RNF41: variants seen among roughly 807,000 people sequenced by gnomAD.
RNF41 encodes E3 ubiquitin-protein ligase NRDP1.
Under a neutral mutation model 33.0 loss-of-function variants are expected in RNF41, and 4 were observed. The ratio of observed to expected loss-of-function variants is 0.12; its 90% CI spans 0.06 to 0.28. RNF41 has a LOEUF of 0.28. Ranked by LOEUF, RNF41 falls within the 10% of genes least tolerant of loss-of-function variation. The pLI, the probability that RNF41 is intolerant of heterozygous loss-of-function variation, is 1.00. For synonymous variants in RNF41, 164 were observed against 153.2 expected (o/e 1.07, Z -0.52); for missense variants, 228 against 432.6 (o/e 0.53, Z 4.19).
intron 3 of RNF41, among the ~76,000 whole-genome samples, chr12:56,211,075 C>T (rs1259921315): frequency 6.6e-6 from 1 of 152,144 alleles, no homozygotes; most frequent in Non-Finnish European, 1.5e-5. Context: ...ATCACAGCTA[C>T]TCAGGAGGCT....
chr12:56,219,447 G>A (rs188769880), intron 1 of RNF41, among the ~76,000 whole-genome samples: 311 of 150,946 alleles, frequency 2.1e-3, no homozygotes, highest in African/African-American at 7.1e-3. Context: ...TGCCTGCCTC[G>A]GCCTCCCAAA....
intron 2 of RNF41, among the ~76,000 whole-genome samples, chr12:56,215,717 CAAAAAAAAA>C (rs58103466): frequency 2.7e-5 from 2 of 74,526 alleles, no homozygotes. Context: ...GACTCTGTCT[CAAAAAAAAA>C]AAAAAAAAAA....
At position 56,205,583 on chromosome 12, in the gene RNF41, T is replaced by C. The variant is rs1592347009; in HGVS notation, c.*864A>G. 1 of 138,792 alleles carries C rather than the reference T, an allele frequency of 7.2e-6. No homozygotes were observed. The highest frequency in any genetic ancestry group is 1.5e-5 in the Non-Finnish European group (1 of 65,638). The allele number at this position is 138,792 out of a possible 1,614,324, so 8.6% of individuals were successfully genotyped here. A position where few individuals can be genotyped will look rare whatever the true frequency, so the allele number is the denominator to read the frequency against. ...TTAAAAAAAAGAGGGGGGGGGGCAGTAGGTGGAGTTTGTGAAATATAAACA... is the reference window on the plus strand; with the variant it reads ...TTAAAAAAAAGAGGGGGGGGGGCAGCAGGTGGAGTTTGTGAAATATAAACA... On this transcript the variant is annotated 3_prime_UTR_variant, in exon 7 of 7. Transcript: ENST00000345093.
rs1187380716 is a variant in RNF41 at position 56,202,834 on chromosome 12, T to A, written c.*3613A>T. On this transcript the variant is annotated 3_prime_UTR_variant, in exon 7 of 7. Coordinates refer to ENST00000345093, the MANE Select transcript of RNF41 (RefSeq NM_005785.4). ...CAGACATTCAATGAATATTTGTTTC[T>A]AAAAATCGTATCTTCTGTAAAAGGA... The A allele has an allele frequency of 1.3e-5, 2 of 152,214 alleles. No individual in the cohort carries two copies. Among genetic ancestry groups the A allele is most frequent in the African/African-American group, 4.8e-5 (2 of 41,468 alleles). 9.4% of individuals were successfully genotyped at this position (152,214 alleles called of 1,614,324 possible).
chr12:56,207,390 G>A (rs1055378606), intron 6 of RNF41: 1 of 863,284 alleles, frequency 1.2e-6, no homozygotes, highest in East Asian at 3.1e-5. Context: ...TTTGTACATG[G>A]GTACTCACCT....
intron 2 of RNF41, among the ~76,000 whole-genome samples, chr12:56,215,345 A>C (rs1379806064): frequency 2.0e-5 from 3 of 152,160 alleles, no homozygotes; most frequent in Non-Finnish European, 4.4e-5. Flanking sequence ...ACAGGGGAGA[A>C]ACTGGAGACC....
In RNF41 at chr12:56,206,370, G is replaced by A; in HGVS notation, c.*77C>T. The A allele has an allele frequency of 1.6e-6, 2 of 1,235,766 alleles. No homozygotes were observed. Among genetic ancestry groups the A allele is most frequent in the Non-Finnish European group, 2.3e-6 (2 of 868,132 alleles). The allele number at this position is 1,235,766 out of a possible 1,614,324, so 76.6% of individuals were successfully genotyped here. A position where few individuals can be genotyped will look rare whatever the true frequency, so the allele number is the denominator to read the frequency against. On this transcript the variant is annotated 3_prime_UTR_variant, in exon 7 of 7. Transcript: ENST00000345093. This position sits in a 1 kb window ranked among gnomAD's most constrained non-coding sequence, Gnocchi z 5.7. ...TAAGCCACAGTATTAAGAATGGTGG[G>A]TAGGACTCAGGTCCCAGCTGCTGGA...
Position 56,208,259 on chromosome 12 carries a change from G to A in RNF41, c.402C>T (p.Cys134=), listed in dbSNP as rs1868313750. 6.2e-7 allele frequency: 1 copy of A among 1,614,106 alleles called. No homozygotes were observed. The highest frequency in any genetic ancestry group is 1.3e-5 in the African/African-American group (1 of 74,942). The change falls in exon 5 of 7, where the codon TGC becomes TGT. Residue 134 remains cysteine, a synonymous_variant. Transcript: ENST00000345093. ...GTACCACTGAGCGCAGGTGCTTAAT[G>A]CAGTTATGGTTGGGCAGCTCATCTT... ...MPKDELPNHN[C]IKHLRSVVQQ... is the part of the protein sequence containing the mutation.
chr12:56,207,372 T>C, intron 6 of RNF41: 1 of 995,300 alleles, frequency 1.0e-6, no homozygotes, highest in South Asian at 1.4e-5. Context: ...CAGCCTTTAA[T>C]ACAGGGCTTT....
rs1169730593 is a variant in RNF41 at position 56,221,745 on chromosome 12, A to T, written c.-209+15T>A. On this transcript the variant is annotated intron_variant, in intron 1 of 6. Transcript: ENST00000345093. Reference sequence around the variant, plus strand: ...CCCTCTTTTAGGTGGAAGATCGCGCAGGCGCAGTACGCACCGCCCTGGAAG... The same window carrying T: ...CCCTCTTTTAGGTGGAAGATCGCGCTGGCGCAGTACGCACCGCCCTGGAAG... 1 of 151,858 alleles carries T rather than the reference A, an allele frequency of 6.6e-6. No homozygotes were observed. Among genetic ancestry groups the T allele is most frequent in the East Asian group, 1.9e-4 (1 of 5,160 alleles). The allele number at this position is 151,858 out of a possible 1,614,324, so 9.4% of individuals were successfully genotyped here.
At chr12:56,217,139 TAAAA>T (rs1180669951) in intron 1 of RNF41, among the ~76,000 whole-genome samples, 2 of 104,852 alleles carry the variant, frequency 1.9e-5, no homozygotes, top group South Asian at 6.0e-4. Context: ...GACTCCGTCT[TAAAA>T]AAAAAAAAAA....
rs1453578899 is a variant in RNF41 at position 56,210,384 on chromosome 12, G to A, written c.275C>T (p.Ala92Val). 3 of 1,614,140 alleles carry A rather than the reference G, an allele frequency of 1.9e-6. No individual in the cohort carries two copies. Among genetic ancestry groups the A allele is most frequent in the East Asian group, 2.2e-5 (1 of 44,882 alleles). ...CATGAGGTTGTCAAGCCGGACAACG[G>A]CACTACAGCCGAACACAGCGTTGTC... ...ACDNAVFGCSAVVRLDNLMSH... is the reference protein window; with the variant it reads ...ACDNAVFGCSVVVRLDNLMSH... The change falls in exon 4 of 7, where the codon GCC (alanine) becomes GTC (valine). Residue 92 changes from alanine to valine, a missense_variant. Around this residue, in one of 2 missense-constraint regions of RNF41, gnomAD observed 199 missense variants for 334.6 expected, o/e 0.59. Transcript: ENST00000345093.
chr12:56,207,328 T>C (rs767069962), intron 6 of RNF41: 83 of 1,311,572 alleles, frequency 6.3e-5, no homozygotes, highest in Non-Finnish European at 8.2e-5. Context: ...CAGGACGATA[T>C]CTTCTATTTC....
chr12:56,220,734 A>G (rs2135820760), intron 1 of RNF41, among the ~76,000 whole-genome samples: 1 of 152,030 alleles, frequency 6.6e-6, no homozygotes, highest in Admixed American at 6.5e-5. Flanking sequence ...CCGTTTCAAA[A>G]AAAAAAAAAA....
At chr12:56,220,427 G>GT (rs1869291979) in intron 1 of RNF41, among the ~76,000 whole-genome samples, 1 of 151,674 alleles carries the variant, frequency 6.6e-6, no homozygotes. Flanking sequence ...GTGTTGCCCA[G>GT]GCTGGTCTCG....
Position 56,205,570 on chromosome 12 carries a change from G to C in RNF41, c.*877C>G, listed in dbSNP as rs901605679. On this transcript the variant is annotated 3_prime_UTR_variant, in exon 7 of 7. Coordinates refer to ENST00000345093, the MANE Select transcript of RNF41 (RefSeq NM_005785.4). ...GATCAGGCCATTCTTAAAAAAAAGAGGGGGGGGGGCAGTAGGTGGAGTTTG... is the reference window on the plus strand; with the variant it reads ...GATCAGGCCATTCTTAAAAAAAAGACGGGGGGGGGCAGTAGGTGGAGTTTG... 2.8e-5 allele frequency: 3 copies of C among 108,122 alleles called. No homozygotes were observed. Among genetic ancestry groups the C allele is most frequent in the African/African-American group, 1.1e-4 (3 of 26,644 alleles). 6.7% of individuals were successfully genotyped at this position (108,122 alleles called of 1,614,324 possible).
intron 1 of RNF41, among the ~76,000 whole-genome samples, chr12:56,217,621 A>G (rs370551029): frequency 7.2e-5 from 11 of 152,330 alleles, no homozygotes; most frequent in East Asian, 3.9e-4. Context: ...GAGGTCCCCA[A>G]ATCCCCAGAT....
intron 3 of RNF41, among the ~76,000 whole-genome samples, chr12:56,211,285 C>T (rs1267903619): frequency 6.6e-6 from 1 of 151,882 alleles, no homozygotes; most frequent in Admixed American, 6.6e-5. Context: ...TTGCAGTGAA[C>T]CAAGACTGCA....
intron 1 of RNF41, among the ~76,000 whole-genome samples, chr12:56,217,183 T>C (rs1248872931): frequency 6.6e-6 from 1 of 150,596 alleles, no homozygotes; most frequent in East Asian, 2.0e-4. Flanking sequence ...AGAGGAGTTG[T>C]TGGAGATTTA....
Sources: allele counts gnomAD v4.1 joint callset (sites outside exome capture counted in the v4.1 genomes callset), GRCh38; gene constraint gnomAD v4.1.1; regional missense constraint gnomAD v4.1.1; non-coding constraint Gnocchi (gnomAD v3.1); transcripts MANE v1.5; gene names NCBI Gene and HGNC (gene_info 2026-07-23, HGNC 2026-07-21).